The following TGFBRAP1 variants were observed in gnomAD, a reference collection of about 807,000 sequenced individuals.
The protein encoded by TGFBRAP1 is transforming growth factor-beta receptor-associated protein 1.
A neutral mutation model predicts 83.2 loss-of-function variants in TGFBRAP1; 20 were observed. The observed-to-expected ratio is 0.24, with a 90% CI of 0.17 to 0.35. The LOEUF is 0.35. Ranked by LOEUF, TGFBRAP1 falls within the 10% of genes least tolerant of loss-of-function variation. The probability of loss-of-function intolerance (pLI) is 1.00; values close to 1 mark genes in which losing one functional copy is unlikely to be tolerated. For missense variants in TGFBRAP1, 950 were observed against 1,099.4 expected (o/e 0.86, Z 1.92); for synonymous variants, 415 against 459.8 (o/e 0.90, Z 1.25).
intron 1 of TGFBRAP1, among the ~76,000 whole-genome samples, chr2:105,328,327 G>A (rs1679278927): frequency 6.6e-6 from 1 of 152,160 alleles, no homozygotes; most frequent in Non-Finnish European, 1.5e-5. Flanking sequence ...CCAGCCAGTA[G>A]ACTTTCTAGT....
intron 1 of TGFBRAP1, among the ~76,000 whole-genome samples, chr2:105,311,594 A>G (rs1558651975): frequency 2.0e-5 from 3 of 151,950 alleles, no homozygotes; most frequent in Admixed American, 6.6e-5. Flanking sequence ...CACAGAAAAA[A>G]AAAGAAAAAA....
At chr2:105,318,328 G>A (rs932029818) in intron 1 of TGFBRAP1, among the ~76,000 whole-genome samples, 2 of 152,148 alleles carry the variant, frequency 1.3e-5, no homozygotes, top group African/African-American at 4.8e-5. Context: ...GATGGGACTG[G>A]GTATGGGTGT....
intron 2 of TGFBRAP1, among the ~76,000 whole-genome samples, chr2:105,306,729 G>T (rs981406005): frequency 1.3e-5 from 2 of 152,086 alleles, no homozygotes; most frequent in Admixed American, 1.3e-4. Context: ...AACCTGGGAG[G>T]TAGAGGTTGC....
chr2:105,303,240 G>A (rs557857794), intron 2 of TGFBRAP1, among the ~76,000 whole-genome samples: 3 of 152,268 alleles, frequency 2.0e-5, no homozygotes, highest in East Asian at 1.9e-4. Context: ...GGCCAGCCTC[G>A]GCAACATAGC....
In TGFBRAP1 at chr2:105,296,380, C is replaced by T; in HGVS notation, c.1014G>A (p.Arg338=). 1 of 1,613,750 alleles carries T rather than the reference C, an allele frequency of 6.2e-7. No homozygotes were observed. Among genetic ancestry groups the T allele is most frequent in the Non-Finnish European group, 8.5e-7 (1 of 1,179,960 alleles). The part of the protein sequence containing the change: ...EALVLAKGAR[R]NIPKEKFQVM... ...CCTGAAATTTTTCCTTTGGAATGTT[C>T]CTCCGGGCTCCTTTTGCTAAAACCA... Residue 338 remains arginine, a synonymous_variant, in exon 4 of 12, where the codon AGG becomes AGA. Transcript: ENST00000393359.
At chr2:105,271,908 C>T (rs116702540) in intron 10 of TGFBRAP1, among the ~76,000 whole-genome samples, 286 of 152,254 alleles carry the variant, frequency 1.9e-3, no homozygotes, top group African/African-American at 6.5e-3. Flanking sequence ...ACTAGCTACA[C>T]GTTTCCTTTT....
chr2:105,275,421 G>A (rs1677305113), intron 8 of TGFBRAP1, 139 bp downstream of exon 8: 8 of 1,370,392 alleles, frequency 5.8e-6, no homozygotes, highest in Non-Finnish European at 7.7e-6. Flanking sequence ...GGTATTAAAA[G>A]GGGAATAATA....
Position 105,267,517 on chromosome 2 carries a change from G to C in TGFBRAP1, c.2449C>G (p.Leu817Val), listed in dbSNP as rs1412039218. 1.2e-6 allele frequency: 2 copies of C among 1,614,244 alleles called. No individual in the cohort carries two copies. The highest frequency in any genetic ancestry group is 1.7e-6 in the Non-Finnish European group (2 of 1,180,050). Reference sequence around the variant, plus strand: ...AAGGGATTTTGGCATATCTGACAAAGCTTTTTGTCTGAGAGTTGGATTGAG... The same window carrying C: ...AAGGGATTTTGGCATATCTGACAAACCTTTTTGTCTGAGAGTTGGATTGAG... ...GSSIQLSDKKLCQICQNPFCE... is the reference protein window; with the variant it reads ...GSSIQLSDKKVCQICQNPFCE... Residue 817 changes from leucine to valine, a missense_variant, in exon 12 of 12, where the codon CTT becomes GTT. By Grantham distance (32) the Leu-to-Val change is conservative (BLOSUM62 1). Coordinates refer to ENST00000393359, the MANE Select transcript of TGFBRAP1 (RefSeq NM_004257.6).
downstream of TGFBRAP1, among the ~76,000 whole-genome samples, chr2:105,263,752 G>C (rs973819929): frequency 6.6e-6 from 1 of 152,042 alleles, no homozygotes; most frequent in Non-Finnish European, 1.5e-5. Flanking sequence ...GGGTGTGGTG[G>C]ACGGGCACCT....
Position 105,301,223 on chromosome 2 carries a change from AAAATAAAT to A in TGFBRAP1, c.689-2526_689-2519del, listed in dbSNP as rs927170525. On this transcript the variant is annotated intron_variant, in intron 2 of 11. Transcript: ENST00000393359. The stretch of plus-strand genomic sequence containing the variant: ...GGTGACAGAGAAATACCCTGTCTCA[AAAATAAAT>A]AAATAAATAAATAATTTAAAGAGAT... Among the ~76,000 whole-genome samples the A allele has an allele frequency of 5.3e-5, 8 of 152,168 alleles. No homozygotes were observed. The East Asian group carries it at 1.2e-3, about 22-fold the overall frequency.
chr2:105,320,091 T>G (rs910335370), intron 1 of TGFBRAP1, among the ~76,000 whole-genome samples: 2 of 152,196 alleles, frequency 1.3e-5, no homozygotes, highest in African/African-American at 4.8e-5. Context: ...CTTTGTTATC[T>G]GCTCTACCAA....
At chr2:105,252,552 G>C in the TGFBRAP1 span, among the ~76,000 whole-genome samples, 1 of 152,092 alleles carries the variant, frequency 6.6e-6, no homozygotes, top group Admixed American at 6.5e-5. Context: ...TGGGGCCCCT[G>C]GCTGCTTCCA....
chr2:105,259,493 C>A (rs540077705), downstream of TGFBRAP1, among the ~76,000 whole-genome samples: 2 of 152,274 alleles, frequency 1.3e-5, no homozygotes, highest in East Asian at 1.9e-4. Flanking sequence ...GAATTGGAAC[C>A]CTACTAGCTG....
chr2:105,250,407 T>C, the TGFBRAP1 span, among the ~76,000 whole-genome samples: 23 of 152,302 alleles, frequency 1.5e-4, no homozygotes, highest in South Asian at 1.5e-3. Flanking sequence ...TGCCAGCTAT[T>C]CCTGTCTAGG....
At chr2:105,294,304 G>A (rs866028125) in intron 4 of TGFBRAP1, among the ~76,000 whole-genome samples, 1 of 120,940 alleles carries the variant, frequency 8.3e-6, no homozygotes, top group South Asian at 3.1e-4. Flanking sequence ...TCATAGGAGT[G>A]AGGGTGTGTG....
intron 4 of TGFBRAP1, 69 bp downstream of exon 4, chr2:105,296,287 T>C: frequency 5.1e-6 from 8 of 1,582,518 alleles, no homozygotes; most frequent in Non-Finnish European, 6.9e-6. Context: ...CCGATGCATG[T>C]TAGTTAAATC....
intron 4 of TGFBRAP1, among the ~76,000 whole-genome samples, chr2:105,290,747 G>A (rs568789550): frequency 2.6e-5 from 4 of 151,970 alleles, no homozygotes; most frequent in South Asian, 2.1e-4. Context: ...GCTCACACCT[G>A]TAGTCCTAGC....
At chr2:105,271,255 T>G (rs571019508) in intron 10 of TGFBRAP1, among the ~76,000 whole-genome samples, 1 of 152,232 alleles carries the variant, frequency 6.6e-6, no homozygotes, top group Non-Finnish European at 1.5e-5. Flanking sequence ...GTATCCTCAA[T>G]GCACAGTGAC....
chr2:105,287,315 G>A (rs901448990), intron 4 of TGFBRAP1, among the ~76,000 whole-genome samples: 2 of 152,042 alleles, frequency 1.3e-5, no homozygotes, highest in Admixed American at 6.6e-5. Context: ...TACACTCAAT[G>A]CCACAGAACT....
Sources: allele counts gnomAD v4.1 joint callset (sites outside exome capture counted in the v4.1 genomes callset), GRCh38; gene constraint gnomAD v4.1.1; transcripts MANE v1.5; gene names NCBI Gene and HGNC (gene_info 2026-07-23, HGNC 2026-07-21).